The following FHL2 variants were observed in gnomAD, a reference collection of about 807,000 sequenced individuals.
FHL2 encodes the protein four and a half LIM domains protein 2.
In FHL2, 20 loss-of-function variants were observed where a neutral mutation model predicts 32.7. That is an observed-to-expected ratio of 0.61 (90% CI 0.43 to 0.89). The LOEUF is 0.89. Ranked by LOEUF, FHL2 falls within the 40% of genes least tolerant of loss-of-function variation. The probability of loss-of-function intolerance (pLI) is 0.00; values close to 1 mark genes in which losing one functional copy is unlikely to be tolerated. For missense variants in FHL2, 311 were observed against 358.6 expected (o/e 0.87, Z 1.07); for synonymous variants, 123 against 128.1 (o/e 0.96, Z 0.27).
At chr2:105,414,544 TGTTTGGTTTG>T (rs541301122) in intron 1 of FHL2, among the ~76,000 whole-genome samples, 1 of 152,108 alleles carries the variant, frequency 6.6e-6, no homozygotes, top group Non-Finnish European at 1.5e-5. Context: ...TAAAGGTTTT[TGTTTGGTTTG>T]GTTTGGTTTG....
upstream of FHL2, among the ~76,000 whole-genome samples, chr2:105,403,102 T>G (rs12616624): frequency 0.15 from 23,510 of 152,290 alleles, 2,244 homozygotes; most frequent in South Asian, 0.23. Context: ...TCTTTTGAGA[T>G]GCACATAAAC....
upstream of FHL2, among the ~76,000 whole-genome samples, chr2:105,403,418 C>T (rs375417580): frequency 6.6e-6 from 1 of 152,182 alleles, no homozygotes; most frequent in East Asian, 1.9e-4. Context: ...TTCCAATTAT[C>T]CTGACATTCC....
chr2:105,432,294 G>A (rs538707358), intron 1 of FHL2, among the ~76,000 whole-genome samples: 1 of 152,292 alleles, frequency 6.6e-6, no homozygotes, highest in African/African-American at 2.4e-5. Flanking sequence ...AAAGGAGTTT[G>A]TCTCATGCAC....
chr2:105,407,734 C>T (rs778343350), intron 1 of FHL2, among the ~76,000 whole-genome samples: 3 of 152,162 alleles, frequency 2.0e-5, no homozygotes, highest in Non-Finnish European at 4.4e-5. Context: ...GATGGTGCTT[C>T]TCTCTCAGAG....
At chr2:105,366,920 A>G (rs1680673890) in intron 5 of FHL2, among the ~76,000 whole-genome samples, 1 of 151,872 alleles carries the variant, frequency 6.6e-6, no homozygotes, top group African/African-American at 2.4e-5. Context: ...TAAGTTGTGT[A>G]TTTTTAGTAG....
chr2:105,384,057 T>C (rs891663164), intron 3 of FHL2, among the ~76,000 whole-genome samples: 10 of 152,218 alleles, frequency 6.6e-5, no homozygotes, highest in African/African-American at 2.2e-4. Context: ...TAAGGGTCTT[T>C]CCACTAAATC....
At chr2:105,424,112 T>G (rs1684186584) in intron 1 of FHL2, among the ~76,000 whole-genome samples, 1 of 123,896 alleles carries the variant, frequency 8.1e-6, no homozygotes, top group Non-Finnish European at 1.8e-5. Flanking sequence ...GGGAGAAAAT[T>G]TTTGCAATCT....
At chr2:105,399,539 T>A (rs1287311947), upstream of FHL2, 7 of 1,535,978 alleles carry the variant, frequency 4.6e-6, no homozygotes, top group East Asian at 2.4e-5. Flanking sequence ...ACACCACAGA[T>A]GACCATAAAG....
At chr2:105,392,206 C>T (rs1222781552) in intron 2 of FHL2, among the ~76,000 whole-genome samples, 1 of 152,218 alleles carries the variant, frequency 6.6e-6, no homozygotes, top group Non-Finnish European at 1.5e-5. Context: ...GGTACAGAGG[C>T]TCATGCCTGT....
intron 5 of FHL2, among the ~76,000 whole-genome samples, chr2:105,366,563 A>G (rs983401782): frequency 6.6e-6 from 1 of 152,128 alleles, no homozygotes; most frequent in South Asian, 2.1e-4. Context: ...GCATAATAAG[A>G]ATTGCGTGTG....
At chr2:105,411,485 C>T (rs978960023) in intron 1 of FHL2, among the ~76,000 whole-genome samples, 4 of 150,816 alleles carry the variant, frequency 2.7e-5, no homozygotes, top group African/African-American at 7.3e-5. Flanking sequence ...TTCCTACTCA[C>T]CCAGAATCCT....
intron 1 of FHL2, among the ~76,000 whole-genome samples, chr2:105,437,889 A>G (rs1684659423): frequency 2.0e-5 from 3 of 152,210 alleles, no homozygotes; most frequent in African/African-American, 7.2e-5. Flanking sequence ...CATGTTGCAT[A>G]AACACACTTT....
chr2:105,427,366 A>G (rs2104677551), intron 1 of FHL2, among the ~76,000 whole-genome samples: 1 of 152,300 alleles, frequency 6.6e-6, no homozygotes, highest in African/African-American at 2.4e-5. Context: ...AACTGATTTC[A>G]TGACCCATGA....
rs1682316677 is a variant in FHL2, at chr2:105,386,393, C to T, written c.124G>A (p.Glu42Lys). 6.2e-7 allele frequency: 1 copy of T among 1,614,168 alleles called. No homozygotes were observed. The highest frequency in any genetic ancestry group is 8.5e-7 in the Non-Finnish European group (1 of 1,180,028). The change falls in exon 3 of 7, where the codon GAG becomes AAG. Residue 42 changes from glutamate (E) to lysine (K), a missense_variant. By Grantham distance (56) the Glu-to-Lys change is moderately conservative. Transcript: ENST00000530340. Reference protein sequence around the residue: ...FETLFANTCEECGKPIGCDCK... With the variant: ...FETLFANTCEKCGKPIGCDCK... ...TCACAGCCGATGGGCTTCCCACACT[C>T]CTCGCAGGTGTTGGCGAACAGGGTC...
intron 1 of FHL2, among the ~76,000 whole-genome samples, chr2:105,429,579 T>C (rs977162718): frequency 6.6e-6 from 1 of 152,228 alleles, no homozygotes; most frequent in Admixed American, 6.5e-5. Context: ...ATTCCTTCTC[T>C]AGAGCCTCCA....
chr2:105,371,900 G>A lies in FHL2; in HGVS notation c.331+1659C>T, dbSNP rs968822269. 3.3e-5 allele frequency among the ~76,000 whole-genome samples: 5 copies of A among 152,192 alleles called. No homozygotes were observed. The South Asian group carries it at 6.2e-4, about 19-fold the overall frequency. On this transcript the variant is annotated intron_variant, in intron 4 of 6. Coordinates refer to ENST00000530340, the MANE Select transcript of FHL2 (RefSeq NM_001318895.3). ...GACACAGGTCAGCCTGGCTTTCTAC[G>A]GGCTTCAATTCTCATTTGCACTGTC... is the stretch of plus-strand genomic sequence containing the variant.
Position 105,435,185 on chromosome 2 carries a change from G to A in FHL2, c.-25+3214C>T, listed in dbSNP as rs192442189. ...TTCTATGCAAACTTTATTTTTGATG[G>A]TTGCATATATTCCATACTATGGCTA... On this transcript the variant is annotated intron_variant, in intron 1 of 5. Coordinates refer to the FHL2 transcript ENST00000393352. Among the ~76,000 whole-genome samples the A allele has an allele frequency of 5.3e-4, 77 of 145,554 alleles. 1 individual carries two copies. In the East Asian group the frequency reaches 0.014, roughly 27 times the overall value.
intron 4 of FHL2, among the ~76,000 whole-genome samples, chr2:105,371,820 G>A (rs76121528): frequency 0.075 from 11,376 of 152,190 alleles, 453 homozygotes; most frequent in Middle Eastern, 0.11. Flanking sequence ...AATTAATGTC[G>A]TGGTTCTTAT....
chr2:105,397,268 G>A (rs1683205503), intron 1 of FHL2, among the ~76,000 whole-genome samples: 1 of 152,030 alleles, frequency 6.6e-6, no homozygotes, highest in Admixed American at 6.6e-5. Flanking sequence ...TTTACAGCCC[G>A]GGAAACCCTG....
Sources: allele counts gnomAD v4.1 joint callset (sites outside exome capture counted in the v4.1 genomes callset), GRCh38; gene constraint gnomAD v4.1.1; transcripts MANE v1.5; gene names NCBI Gene and HGNC (gene_info 2026-07-23, HGNC 2026-07-21).